LRP1B: variants seen among roughly 807,000 people sequenced by gnomAD.
LRP1B encodes the protein low-density lipoprotein receptor-related protein 1B.
LRP1B carries 217 observed loss-of-function variants against 556.6 expected under a neutral mutation model. The ratio of observed to expected loss-of-function variants is 0.39; its 90% CI spans 0.35 to 0.44. LRP1B has a LOEUF of 0.44. Among genes scored for constraint, LRP1B ranks in the 20% least tolerant of loss-of-function variants. The pLI is 1.00. For missense variants in LRP1B, 5,053 were observed against 5,620.8 expected, an observed-to-expected ratio of 0.90 and a Z score of 3.23; for synonymous variants, 2,047 against 1,865.8, an observed-to-expected ratio of 1.10 and a Z score of -2.50.
chr2:141,245,079 A>G (rs1045919234), intron 5 of LRP1B, among the ~76,000 whole-genome samples: 2 of 152,128 alleles, frequency 1.3e-5, no homozygotes, highest in African/African-American at 4.8e-5. Flanking sequence ...ATTAGATTAC[A>G]CTCTCTGTGT....
At chr2:141,676,178 AT>A (rs1254128133) in intron 2 of LRP1B, among the ~76,000 whole-genome samples, 3 of 151,752 alleles carry the variant, frequency 2.0e-5, no homozygotes, top group Admixed American at 1.3e-4. Flanking sequence ...TATATTATTC[AT>A]TTTTTTGGAC....
intron 2 of LRP1B, among the ~76,000 whole-genome samples, chr2:141,585,594 T>G (rs1488041489): frequency 6.6e-6 from 1 of 152,096 alleles, no homozygotes; most frequent in African/African-American, 2.4e-5. Context: ...CTTCTAAATA[T>G]GCCTGTGTGT....
intron 6 of LRP1B, among the ~76,000 whole-genome samples, chr2:141,198,081 T>C (rs78650210): frequency 0.044 from 6,761 of 152,226 alleles, 166 homozygotes; most frequent in South Asian, 0.1. Flanking sequence ...ATGGTTTAAG[T>C]GGGAAATTAA....
intron 20 of LRP1B, among the ~76,000 whole-genome samples, chr2:140,929,277 G>C (rs539115311): frequency 6.6e-4 from 100 of 152,196 alleles, no homozygotes; most frequent in Middle Eastern, 6.8e-3. Context: ...AGAATGCCAG[G>C]AGAACACACA....
At chr2:141,621,155 T>A (rs1399222122) in intron 2 of LRP1B, among the ~76,000 whole-genome samples, 1 of 152,190 alleles carries the variant, frequency 6.6e-6, no homozygotes, top group Non-Finnish European at 1.5e-5. Flanking sequence ...ATTGAATGCA[T>A]ATAAAATTAT....
chr2:142,011,955 T>C (rs1424683685), intron 1 of LRP1B, among the ~76,000 whole-genome samples: 1 of 152,102 alleles, frequency 6.6e-6, no homozygotes, highest in Non-Finnish European at 1.5e-5. Flanking sequence ...TTAGAATTAA[T>C]GGAACCCAAA....
Position 141,256,043 on chromosome 2 carries a change from T to A in LRP1B, c.344-1402A>T, listed in dbSNP as rs384507. On this transcript the variant is annotated intron_variant, in intron 3 of 90. Transcript: ENST00000389484. The stretch of plus-strand genomic sequence containing the variant: ...ACAATATGAGTGTGGAAGTGAGTGG[T>A]ATTAAGTGGACAGAACAACAATATA... Among the ~76,000 whole-genome samples, 3 of 151,668 alleles carry A rather than the reference T, an allele frequency of 2.0e-5. No homozygotes were observed. In the South Asian group the frequency reaches 6.2e-4, roughly 32 times the overall value.
chr2:141,492,091 A>AAAAAAAAAAACC (rs67960557), intron 2 of LRP1B, among the ~76,000 whole-genome samples: 6,281 of 99,972 alleles, frequency 0.063, 435 homozygotes, highest in South Asian at 0.18. Context: ...AAAAAAAAAA[A>AAAAAAAAAAACC]CACTAAGAAA....
intron 76 of LRP1B, among the ~76,000 whole-genome samples, chr2:140,352,191 T>A (rs1268343843): frequency 6.6e-6 from 1 of 152,142 alleles, no homozygotes; most frequent in African/African-American, 2.4e-5. Context: ...TTTTTCTTTT[T>A]TTGAGATGGA....
In LRP1B at chr2:141,305,628, G is replaced by A. The variant is rs898506011; in HGVS notation, c.344-50987C>T. On this transcript the variant is annotated intron_variant, in intron 3 of 90. Transcript: ENST00000389484. ...TTGCTAGGACTTCCAGTAGTATGTC[G>A]AATAACAGTGGTGAACGTGGACATA... 3.3e-5 allele frequency among the ~76,000 whole-genome samples: 5 copies of A among 152,008 alleles called. No individual in the cohort carries two copies. In the East Asian group the frequency reaches 5.8e-4, roughly 18 times the overall value.
At chr2:141,030,004 C>T (rs1192314981) in intron 11 of LRP1B, among the ~76,000 whole-genome samples, 4 of 152,076 alleles carry the variant, frequency 2.6e-5, no homozygotes, top group South Asian at 4.2e-4. Flanking sequence ...CAAAATTATC[C>T]GTGTTCTATG....
chr2:141,203,915 C>T (rs552109548), intron 6 of LRP1B, among the ~76,000 whole-genome samples: 1 of 152,230 alleles, frequency 6.6e-6, no homozygotes, highest in South Asian at 2.1e-4. Flanking sequence ...ACTGAAAAAC[C>T]TGTTCCTGAA....
chr2:140,989,808 A>C (rs1438342053), intron 16 of LRP1B, 151 bp from the exon 17 acceptor site: 6 of 640,096 alleles, frequency 9.4e-6, no homozygotes, highest in Admixed American at 3.0e-5. Flanking sequence ...TTTAATAGCA[A>C]ATACTAATAT....
intron 35 of LRP1B, among the ~76,000 whole-genome samples, chr2:140,733,235 C>T (rs550444093): frequency 6.6e-6 from 1 of 152,196 alleles, no homozygotes; most frequent in Non-Finnish European, 1.5e-5. Context: ...GTACGAATAA[C>T]CCTTTCCTTA....
intron 4 of LRP1B, among the ~76,000 whole-genome samples, chr2:141,252,712 G>A (rs1040727337): frequency 1.3e-5 from 2 of 152,064 alleles, no homozygotes; most frequent in Admixed American, 6.6e-5. Context: ...AGAATGCACT[G>A]AGGTGGAACT....
intron 7 of LRP1B, among the ~76,000 whole-genome samples, chr2:141,079,971 A>C (rs772702812): frequency 5.3e-5 from 8 of 152,238 alleles, no homozygotes; most frequent in African/African-American, 1.2e-4. Flanking sequence ...AGTATGTCTA[A>C]ATTTTTATGC....
chr2:140,249,962 A>C (rs1681334627), intron 86 of LRP1B, among the ~76,000 whole-genome samples: 1 of 151,930 alleles, frequency 6.6e-6, no homozygotes, highest in Non-Finnish European at 1.5e-5. Context: ...AATTATTTGC[A>C]TAACCATGCT....
chr2:141,082,339 C>T (rs75274832), intron 7 of LRP1B, among the ~76,000 whole-genome samples: 15 of 106,892 alleles, frequency 1.4e-4, no homozygotes, highest in Non-Finnish European at 2.4e-4. Context: ...ATTTAGGGAA[C>T]GAACTCCAAT....
chr2:141,654,495 G>T (rs1689927406), intron 2 of LRP1B, among the ~76,000 whole-genome samples: 1 of 152,042 alleles, frequency 6.6e-6, no homozygotes, highest in Non-Finnish European at 1.5e-5. Flanking sequence ...GCAGACTCAG[G>T]GTCTGGAGGA....
Sources: allele counts gnomAD v4.1 joint callset (sites outside exome capture counted in the v4.1 genomes callset), GRCh38; gene constraint gnomAD v4.1.1; transcripts MANE v1.5; gene names NCBI Gene and HGNC (gene_info 2026-07-23, HGNC 2026-07-21).